ABR: variants seen among roughly 807,000 people sequenced by gnomAD.
The protein encoded by ABR is active breakpoint cluster region-related protein.
ABR carries 35 observed loss-of-function variants against 107.2 expected under a neutral mutation model. The ratio of observed to expected loss-of-function variants is 0.33; its 90% CI spans 0.25 to 0.43. The LOEUF (loss-of-function observed/expected upper bound fraction) is 0.43, where lower values mean the gene tolerates loss of function less well. Among genes scored for constraint, ABR ranks in the 20% least tolerant of loss-of-function variants. ABR has a pLI of 1.00. For synonymous variants in ABR, 498 were observed against 462.0 expected, an observed-to-expected ratio of 1.08 and a Z score of -1.00; for missense variants, 815 against 1,115.2, an observed-to-expected ratio of 0.73 and a Z score of 3.83.
At chr17:1,124,196 G>C (rs2039485329) in intron 2 of ABR, among the ~76,000 whole-genome samples, 1 of 152,150 alleles carries the variant, frequency 6.6e-6, no homozygotes, top group African/African-American at 2.4e-5. Context: ...AGGAGCAGGG[G>C]GTTCTCAAGA....
intron 1 of ABR, among the ~76,000 whole-genome samples, chr17:1,173,872 T>A (rs1666569381): frequency 1.3e-5 from 2 of 152,150 alleles, no homozygotes; most frequent in Admixed American, 1.3e-4. Context: ...CCCTCGAGGC[T>A]TTCCCGGATG....
chr17:1,091,548 A>T, intron 4 of ABR, 117 bp downstream of exon 4: 2 of 1,180,446 alleles, frequency 1.7e-6, no homozygotes, highest in South Asian at 1.5e-5. Flanking sequence ...GGACTCGGAG[A>T]GGTCTCAGGC....
intron 1 of ABR, among the ~76,000 whole-genome samples, chr17:1,173,352 T>TCAACACATCACCTCAGCCCACC (rs2041815044): frequency 4.7e-5 from 2 of 42,220 alleles, no homozygotes; most frequent in South Asian, 8.4e-4. Context: ...CTCAGTCCAC[T>TCAACACATCACCTCAGCCCACC]CAACACATCA....
At position 1,017,464 on chromosome 17, in the gene ABR, CTT is replaced by C. The variant is rs61229673; in HGVS notation, c.1792-4302_1792-4301del. On this transcript the variant is annotated intron_variant, in intron 16 of 22. Transcript: ENST00000302538. The stretch of plus-strand genomic sequence containing the variant: ...AAACATTCTGGAGCGGCCATGCCCT[CTT>C]TTTTTTTTTTTTTTTTTTTTGAGAC... 2.6e-3 allele frequency among the ~76,000 whole-genome samples: 268 copies of C among 104,556 alleles called. 1 individual carries two copies. The highest frequency in any genetic ancestry group is 5.4e-3 in the East Asian group (19 of 3,542). 68.6% of individuals were successfully genotyped at this position (104,556 alleles called of 152,430 possible).
intron 1 of ABR, among the ~76,000 whole-genome samples, chr17:1,199,961 A>G (rs913709020): frequency 1.3e-5 from 2 of 151,268 alleles, no homozygotes; most frequent in African/African-American, 4.8e-5. Context: ...TTTAGGGTAC[A>G]TGTGCACAAC....
intron 1 of ABR, chr17:1,155,935 A>G (rs1410601642): frequency 1.4e-5 from 2 of 145,126 alleles, no homozygotes; most frequent in East Asian, 4.2e-4. Context: ...AGCCTGGGCA[A>G]AAGAGCGAAA....
chr17:1,024,653 G>T (rs1234468189), intron 16 of ABR, among the ~76,000 whole-genome samples: 1 of 152,008 alleles, frequency 6.6e-6, no homozygotes, highest in Non-Finnish European at 1.5e-5. Flanking sequence ...AGGCATGTTG[G>T]TACATGCCTG....
intron 12 of ABR, 133 bp from the exon 13 acceptor site, chr17:1,057,235 G>A: frequency 1.6e-6 from 1 of 610,576 alleles, no homozygotes; most frequent in Non-Finnish European, 3.0e-6. Flanking sequence ...GAGGGGGAAG[G>A]ATTTGTGGAC....
At chr17:1,165,901 A>AC (rs2041483358) in intron 1 of ABR, among the ~76,000 whole-genome samples, 1 of 151,812 alleles carries the variant, frequency 6.6e-6, no homozygotes, top group African/African-American at 2.4e-5. Context: ...CAGGGCGTAG[A>AC]CCCCCAGTGC....
intron 9 of ABR, among the ~76,000 whole-genome samples, chr17:1,067,504 C>T (rs1356406013): frequency 6.6e-6 from 1 of 152,236 alleles, no homozygotes; most frequent in African/African-American, 2.4e-5. Context: ...CTCATGTTGT[C>T]AAACATCCCA....
At chr17:1,096,227 G>A (rs1272684988) in intron 3 of ABR, among the ~76,000 whole-genome samples, 1 of 152,214 alleles carries the variant, frequency 6.6e-6, no homozygotes, top group East Asian at 1.9e-4. Flanking sequence ...GGAGGCTTCT[G>A]TGTGGAGGCT....
chr17:1,208,160 G>T (rs1390534636), intron 1 of ABR, among the ~76,000 whole-genome samples: 1 of 152,156 alleles, frequency 6.6e-6, no homozygotes, highest in Non-Finnish European at 1.5e-5. Context: ...TGAGTTATGA[G>T]TGTTTATAAA....
At chr17:1,173,149 C>T (rs140366710) in intron 1 of ABR, among the ~76,000 whole-genome samples, 2,178 of 112,348 alleles carry the variant, frequency 0.019, 53 homozygotes, top group East Asian at 0.11. Context: ...CACCTCAGTC[C>T]ACCCCCCACA....
rs566200722 is a variant in ABR, at chr17:1,104,235, T to C, written c.247-3500A>G. On this transcript the variant is annotated intron_variant, in intron 2 of 22. Coordinates refer to ENST00000302538, the MANE Select transcript of ABR (RefSeq NM_021962.5). ...ATCCTCAGCATCCTGCACAATCTGC[T>C]AGGCTGACAGTGTGGCAGCTTGAAG... Among the ~76,000 whole-genome samples, 3 of 152,290 alleles carry C rather than the reference T, an allele frequency of 2.0e-5. No homozygotes were observed. In the East Asian group the frequency reaches 5.8e-4, roughly 29 times the overall value.
At position 1,072,886 on chromosome 17, in the gene ABR, C is replaced by T. The variant is rs541790034; in HGVS notation, c.754-132G>A. 3.2e-6 allele frequency: 4 copies of T among 1,250,990 alleles called. No individual in the cohort carries two copies. The South Asian group carries it at 6.0e-5, about 19-fold the overall frequency. The allele number at this position is 1,250,990 out of a possible 1,614,324, so 77.5% of individuals were successfully genotyped here. On this transcript the variant is annotated intron_variant, in intron 7 of 22. Coordinates refer to ENST00000302538, the MANE Select transcript of ABR (RefSeq NM_021962.5). ...CCTAATTCCCGCAAAATCTGAACTACAAATCAGAGTCAGGCCGGGCACGGC... is the reference window on the plus strand; with the variant it reads ...CCTAATTCCCGCAAAATCTGAACTATAAATCAGAGTCAGGCCGGGCACGGC...
At chr17:1,145,330 C>G (rs2040481901) in intron 1 of ABR, among the ~76,000 whole-genome samples, 1 of 152,192 alleles carries the variant, frequency 6.6e-6, no homozygotes, top group African/African-American at 2.4e-5. Context: ...GAGTTCTAAC[C>G]CTTATTAGAG....
chr17:1,101,331 ATAT>A (rs1358457738), intron 2 of ABR: 1 of 152,322 alleles, frequency 6.6e-6, no homozygotes, highest in African/African-American at 2.4e-5. Flanking sequence ...TAAAAGTCAG[ATAT>A]TATTATAAAA....
At chr17:1,195,659 C>T (rs1482669255) in intron 1 of ABR, among the ~76,000 whole-genome samples, 1 of 151,418 alleles carries the variant, frequency 6.6e-6, no homozygotes, top group Admixed American at 6.6e-5. Context: ...AACAAATTAG[C>T]CGGGCGTGGT....
chr17:1,024,021 T>C (rs1293342303), intron 16 of ABR, among the ~76,000 whole-genome samples: 1 of 38,940 alleles, frequency 2.6e-5, no homozygotes, highest in African/African-American at 9.9e-5. Context: ...CGAGACTCCA[T>C]CTCAAAAAAA....
Sources: gnomAD v4.1 joint callset for allele counts (sites outside exome capture counted in the v4.1 genomes callset) on GRCh38, gnomAD v4.1.1 for gene constraint, MANE v1.5 for transcripts, NCBI Gene and HGNC (gene_info 2026-07-23, HGNC 2026-07-21) for gene names.